WDFY3: variants seen among roughly 807,000 people sequenced by gnomAD.
WDFY3 encodes WD repeat and FYVE domain containing 3, also known as WD repeat and FYVE domain-containing protein 3.
Under a neutral mutation model 409.6 loss-of-function variants are expected in WDFY3, and 66 were observed. The observed-to-expected ratio is 0.16, with a 90% CI of 0.13 to 0.20. The LOEUF (loss-of-function observed/expected upper bound fraction) is 0.20. WDFY3 is among the 10% of genes least tolerant of loss of function. The pLI, the probability that WDFY3 is intolerant of heterozygous loss-of-function variation, is 1.00. For missense variants in WDFY3, 3,031 were observed against 4,298.1 expected, an observed-to-expected ratio of 0.71 and a Z score of 8.24; for synonymous variants, 1,521 against 1,537.1, an observed-to-expected ratio of 0.99 and a Z score of 0.25.
intron 2 of WDFY3, among the ~76,000 whole-genome samples, chr4:84,918,860 T>TAC (rs1468168246): frequency 5.3e-5 from 8 of 151,440 alleles, no homozygotes; most frequent in African/African-American, 1.7e-4. Context: ...CATATATATA[T>TAC]ATACACACAC....
chr4:84,787,405 C>T, intron 23 of WDFY3, 77 bp downstream of exon 23: 1 of 1,388,314 alleles, frequency 7.2e-7, no homozygotes, highest in Non-Finnish European at 1.0e-6. Context: ...ATATGTATAA[C>T]CTCAGACACA....
Position 84,794,569 on chromosome 4 carries a change from T to G in WDFY3, c.3437A>C (p.Lys1146Thr). The change falls in exon 21 of 68, where the codon AAA becomes ACA. Residue 1146 changes from lysine to threonine, a missense_variant. By Grantham distance (78) the Lys-to-Thr change is moderately conservative. Transcript: ENST00000295888. ...GGTGGAAACAATCAGAGATCGGTCT[T>G]TTGCTGATAGAACTATTGCAAGGCA... ...YVCLAIVLSA[K>T]DRSLIVSTKE... 1 of 1,614,132 alleles carries G rather than the reference T, an allele frequency of 6.2e-7. No homozygotes were observed. Among genetic ancestry groups the G allele is most frequent in the Non-Finnish European group, 8.5e-7 (1 of 1,180,016 alleles).
intron 21 of WDFY3, among the ~76,000 whole-genome samples, chr4:84,792,995 T>G (rs1333990622): frequency 6.6e-6 from 1 of 152,132 alleles, no homozygotes; most frequent in Non-Finnish European, 1.5e-5. Context: ...GAGATGAAGA[T>G]TATTAAACAA....
rs1261633443 is a variant in WDFY3, at chr4:84,684,122, C to T, written c.9547G>A (p.Asp3183Asn). ...TATGTGCCAGCGCAGGACACAATGT[C>T]CCCCTGAGAAGAGAGAGAAAAACGT... Reference protein sequence around the residue: ...SALCINELTGDIVSCAGTYIH... With the variant: ...SALCINELTGNIVSCAGTYIH... Residue 3183 changes from aspartate (D) to asparagine (N), a missense_variant, in exon 63 of 68, where the codon GAC (aspartate) becomes AAC (asparagine). By Grantham distance (23) the Asp-to-Asn change is conservative (BLOSUM62 1). Transcript: ENST00000295888. 1 of 1,563,680 alleles carries T rather than the reference C, an allele frequency of 6.4e-7. No individual in the cohort carries two copies. The highest frequency in any genetic ancestry group is 8.7e-7 in the Non-Finnish European group (1 of 1,144,152).
At chr4:84,816,935 G>A (rs1753385695) in intron 13 of WDFY3, among the ~76,000 whole-genome samples, 2 of 152,148 alleles carry the variant, frequency 1.3e-5, no homozygotes, top group Admixed American at 6.5e-5. Context: ...GTATTACTAA[G>A]GAGTAAATGA....
intron 45 of WDFY3, among the ~76,000 whole-genome samples, chr4:84,725,816 GA>G (rs1414127390): frequency 1.3e-5 from 2 of 152,014 alleles, no homozygotes; most frequent in African/African-American, 4.8e-5. Context: ...CTTTGGGTGA[GA>G]CATGTAGAAT....
At chr4:84,883,824 T>C (rs369227230) in intron 3 of WDFY3, among the ~76,000 whole-genome samples, 11 of 152,170 alleles carry the variant, frequency 7.2e-5, no homozygotes, top group African/African-American at 1.9e-4. Flanking sequence ...GTATTTCCAA[T>C]ATCTAGGCTT....
chr4:84,731,492 C>T (rs916717006), intron 44 of WDFY3, among the ~76,000 whole-genome samples: 2 of 152,202 alleles, frequency 1.3e-5, no homozygotes, highest in Non-Finnish European at 2.9e-5. Context: ...ACCTGTCTCT[C>T]CTTCCTGACT....
chr4:84,688,082 T>G lies in WDFY3; in HGVS notation c.9543+4A>C. On this transcript the variant is annotated splice_donor_region_variant and intron_variant, in intron 62 of 67. Coordinates refer to ENST00000295888, the MANE Select transcript of WDFY3 (RefSeq NM_014991.6). ...TAAACATAAGTGGGCAATTTACTAC[T>G]TACTGTTAATTCATTGATACAAAGA... The G allele has an allele frequency of 6.2e-7, 1 of 1,612,490 alleles. No homozygotes were observed. The highest frequency in any genetic ancestry group is 8.5e-7 in the Non-Finnish European group (1 of 1,179,218).
intron 50 of WDFY3, among the ~76,000 whole-genome samples, chr4:84,714,821 G>C (rs1733564812): frequency 1.3e-5 from 2 of 151,888 alleles, no homozygotes; most frequent in African/African-American, 4.8e-5. Context: ...ATGGTGGCGG[G>C]TGCCTGCAGT....
At chr4:84,922,477 G>T (rs1204995276) in intron 2 of WDFY3, among the ~76,000 whole-genome samples, 1 of 152,132 alleles carries the variant, frequency 6.6e-6, no homozygotes, top group Non-Finnish European at 1.5e-5. Flanking sequence ...TTATTAAATT[G>T]TAAGTGTGAG....
chr4:84,783,468 A>G (rs1217110079), intron 24 of WDFY3, among the ~76,000 whole-genome samples: 1 of 152,170 alleles, frequency 6.6e-6, no homozygotes, highest in Non-Finnish European at 1.5e-5. Flanking sequence ...GCCTGGGAGC[A>G]TTTATTTTTG....
At chr4:84,789,329 A>G (rs1182551762) in intron 22 of WDFY3, among the ~76,000 whole-genome samples, 1 of 152,198 alleles carries the variant, frequency 6.6e-6, no homozygotes, top group Non-Finnish European at 1.5e-5. Context: ...AAAAAAAACA[A>G]TTCTAGCTCT....
intron 51 of WDFY3, 142 bp from the exon 52 acceptor site, chr4:84,709,489 A>T (rs1407497722): frequency 1.5e-6 from 1 of 645,278 alleles, no homozygotes; most frequent in Non-Finnish European, 2.6e-6. Context: ...AAATCAGTTT[A>T]GTGGGTTGTG....
chr4:84,743,030 G>A (rs1371000954), intron 37 of WDFY3, among the ~76,000 whole-genome samples: 1 of 152,146 alleles, frequency 6.6e-6, no homozygotes, highest in Non-Finnish European at 1.5e-5. Context: ...ACAGTTGCAT[G>A]TTGAGACAAT....
chr4:84,875,864 T>C (rs1762711880), intron 3 of WDFY3, among the ~76,000 whole-genome samples: 1 of 152,170 alleles, frequency 6.6e-6, no homozygotes, highest in Non-Finnish European at 1.5e-5. Flanking sequence ...TATGGAGCTG[T>C]TATCTCCTAT....
intron 25 of WDFY3, among the ~76,000 whole-genome samples, chr4:84,782,653 T>G (rs1012764230): frequency 2.0e-5 from 3 of 152,222 alleles, no homozygotes; most frequent in African/African-American, 4.8e-5. Context: ...TTTTCTGTTC[T>G]TGTGTTAGTT....
At chr4:84,809,853 A>T in intron 14 of WDFY3, 34 bp downstream of exon 14, 4 of 1,586,810 alleles carry the variant, frequency 2.5e-6, no homozygotes, top group Non-Finnish European at 3.4e-6. Flanking sequence ...CTTAGTATAC[A>T]CCCTTTAATT....
At chr4:84,710,549 C>T (rs889669819) in intron 51 of WDFY3, among the ~76,000 whole-genome samples, 1 of 152,144 alleles carries the variant, frequency 6.6e-6, no homozygotes, top group Non-Finnish European at 1.5e-5. Context: ...ACATCCAGCT[C>T]GATGGTACTA....
Sources: gnomAD v4.1 joint callset for allele counts (sites outside exome capture counted in the v4.1 genomes callset) on GRCh38, gnomAD v4.1.1 for gene constraint, MANE v1.5 for transcripts, NCBI Gene and HGNC (gene_info 2026-07-23, HGNC 2026-07-21) for gene names.